The following RAB18 variants were observed in gnomAD, a reference collection of about 807,000 sequenced individuals.
RAB18 encodes RAB18, member RAS oncogene family.
A neutral mutation model predicts 28.5 loss-of-function variants in RAB18; 10 were observed. The ratio of observed to expected loss-of-function variants is 0.35; its 90% CI spans 0.22 to 0.60. The LOEUF is 0.60. RAB18 is among the 20% of genes least tolerant of loss of function. RAB18 has a pLI of 0.78. For missense variants in RAB18, 188 were observed against 244.2 expected (o/e 0.77, Z 1.53); for synonymous variants, 93 against 86.9 (o/e 1.07, Z -0.39).
At chr10:27,505,240 AG>A (rs752204441) in intron 1 of RAB18, 1 of 470,932 alleles carries the variant, frequency 2.1e-6, no homozygotes, top group Non-Finnish European at 4.3e-6. Context: ...GATTTCATCC[AG>A]GTCTTGGAAG....
Position 27,540,949 on chromosome 10 carries a change from C to G in RAB18, c.*2898C>G, listed in dbSNP as rs778085730. On this transcript the variant is annotated 3_prime_UTR_variant, in exon 7 of 7. Coordinates refer to ENST00000356940, the MANE Select transcript of RAB18 (RefSeq NM_021252.5). ...TACTTGTTCTGCCTGTGAGTTGGCA[C>G]AGACTTACCTAATAACCATAGTGTC... The G allele has an allele frequency of 3.7e-5, 17 of 453,950 alleles. No homozygotes were observed. Among genetic ancestry groups the G allele is most frequent in the South Asian group, 2.6e-4 (17 of 64,474 alleles). 28.1% of individuals were successfully genotyped at this position (453,950 alleles called of 1,614,324 possible).
intron 2 of RAB18, among the ~76,000 whole-genome samples, chr10:27,521,759 G>A (rs569782165): frequency 6.6e-6 from 1 of 152,218 alleles, no homozygotes; most frequent in South Asian, 2.1e-4. Flanking sequence ...ACACTGCCCG[G>A]TTGATGGGTG....
intron 2 of RAB18, among the ~76,000 whole-genome samples, chr10:27,520,806 A>G (rs1252677520): frequency 1.3e-5 from 2 of 149,504 alleles, no homozygotes; most frequent in African/African-American, 4.9e-5. Flanking sequence ...AATCCCAGCT[A>G]CTAGGGAGGC....
chr10:27,504,644 C>G lies in RAB18; in HGVS notation c.68+207C>G, dbSNP rs1420347940. The G allele has an allele frequency of 5.3e-6, 4 of 748,566 alleles. No individual in the cohort carries two copies. In the Admixed American group the frequency reaches 7.6e-5, roughly 14 times the overall value. The allele number at this position is 748,566 out of a possible 1,614,324, so 46.4% of individuals were successfully genotyped here. A position where few individuals can be genotyped will look rare whatever the true frequency, so the allele number is the denominator to read the frequency against. On this transcript the variant is annotated intron_variant, in intron 1 of 6. Transcript: ENST00000356940. ...GCGCCTGCCTGGTTCCCGGCCTTTG[C>G]CAGGCCCAAGTTCTCTGGGTCGCTC... is the stretch of plus-strand genomic sequence containing the variant.
intron 2 of RAB18, among the ~76,000 whole-genome samples, chr10:27,517,328 A>G (rs11015837): frequency 0.026 from 3,897 of 152,230 alleles, 60 homozygotes; most frequent in Admixed American, 0.041. Flanking sequence ...GTGCCACTGC[A>G]CTGCAGCCTG....
intron 6 of RAB18, 42 bp from the exon 7 acceptor site, chr10:27,537,834 G>A (rs773900072): frequency 2.0e-6 from 3 of 1,532,230 alleles, no homozygotes; most frequent in South Asian, 2.2e-5. Flanking sequence ...AATATGGCCA[G>A]AAAGGAATAT....
intron 3 of RAB18, chr10:27,527,125 A>G: frequency 4.9e-6 from 3 of 614,198 alleles, no homozygotes; most frequent in Admixed American, 2.0e-5. Flanking sequence ...TCAAAACAGA[A>G]CAGAATATTA....
intron 6 of RAB18, among the ~76,000 whole-genome samples, chr10:27,534,991 A>G (rs1368022924): frequency 6.6e-6 from 1 of 152,234 alleles, no homozygotes; most frequent in Non-Finnish European, 1.5e-5. Flanking sequence ...CTTTCTGCCC[A>G]CATGGAGCTT....
Position 27,541,455 on chromosome 10 carries a change from A to C in RAB18, c.*3404A>C. The C allele has an allele frequency of 2.2e-6, 1 of 452,932 alleles. No homozygotes were observed. 28.1% of individuals were successfully genotyped at this position (452,932 alleles called of 1,614,324 possible). On this transcript the variant is annotated 3_prime_UTR_variant, in exon 7 of 7. Transcript: ENST00000356940. The stretch of plus-strand genomic sequence containing the variant: ...TGTTTTGTTGCTAGCTTATTGTTTC[A>C]TACTTGGGAATCAGTCATGTTTCTG...
In RAB18 at chr10:27,539,896, G is replaced by T. The variant is rs186064414; in HGVS notation, c.*1845G>T. On this transcript the variant is annotated 3_prime_UTR_variant, in exon 7 of 7. Coordinates refer to ENST00000356940, the MANE Select transcript of RAB18 (RefSeq NM_021252.5). The stretch of plus-strand genomic sequence containing the variant: ...CATCAGCTGAAGAATATGTACTATT[G>T]TGTTACTCAAATTATGTGGCTTTCA... 209 of 453,488 alleles carry T rather than the reference G, an allele frequency of 4.6e-4. 1 individual carries two copies. The Middle Eastern group carries it at 9.0e-3, about 20-fold the overall frequency. 28.1% of individuals were successfully genotyped at this position (453,488 alleles called of 1,614,324 possible). A position where few individuals can be genotyped will look rare whatever the true frequency, so the allele number is the denominator to read the frequency against.
chr10:27,529,505 C>T (rs1564835297), intron 3 of RAB18, among the ~76,000 whole-genome samples: 1 of 151,910 alleles, frequency 6.6e-6, no homozygotes, highest in African/African-American at 2.4e-5. Flanking sequence ...AGTGCATACT[C>T]ATCATGACCT....
intron 5 of RAB18, 28 bp downstream of exon 5, chr10:27,533,881 G>T (rs1327481696): frequency 1.9e-6 from 3 of 1,610,204 alleles, no homozygotes; most frequent in South Asian, 1.1e-5. Flanking sequence ...TGGCATTTTG[G>T]TTCTATATTT....
chr10:27,540,943 T>C lies in RAB18; in HGVS notation c.*2892T>C, dbSNP rs1320369981. 2.2e-6 allele frequency: 1 copy of C among 454,054 alleles called. No homozygotes were observed. The allele number at this position is 454,054 out of a possible 1,614,324, so 28.1% of individuals were successfully genotyped here. On this transcript the variant is annotated 3_prime_UTR_variant, in exon 7 of 7. Transcript: ENST00000356940. ...CACCAGTACTTGTTCTGCCTGTGAGTTGGCACAGACTTACCTAATAACCAT... is the reference window on the plus strand; with the variant it reads ...CACCAGTACTTGTTCTGCCTGTGAGCTGGCACAGACTTACCTAATAACCAT...
In RAB18 at chr10:27,520,164, A is replaced by C. The variant is rs150958877; in HGVS notation, c.125-6664A>C. ...GATTGATTACTGATTCAATCTTCTT[A>C]CTAGTTATGGGTCTATTCAAGTTTT... On this transcript the variant is annotated intron_variant, in intron 2 of 6. Coordinates refer to ENST00000356940, the MANE Select transcript of RAB18 (RefSeq NM_021252.5). Among the ~76,000 whole-genome samples, 101 of 152,292 alleles carry C rather than the reference A, an allele frequency of 6.6e-4. 1 individual carries two copies. Among genetic ancestry groups the C allele is most frequent in the African/African-American group, 2.3e-3 (97 of 41,576 alleles).
At chr10:27,529,032 C>T (rs754817801) in intron 3 of RAB18, among the ~76,000 whole-genome samples, 4 of 151,994 alleles carry the variant, frequency 2.6e-5, no homozygotes, top group Non-Finnish European at 5.9e-5. Flanking sequence ...TCTTTTTCTT[C>T]ATTAAAGTCT....
At chr10:27,531,867 A>AT (rs759212268) in intron 3 of RAB18, among the ~76,000 whole-genome samples, 1 of 151,870 alleles carries the variant, frequency 6.6e-6, no homozygotes, top group Non-Finnish European at 1.5e-5. Context: ...TAAACTGGTG[A>AT]TTAAACAGAT....
chr10:27,525,736 C>G (rs1834658735), intron 2 of RAB18, among the ~76,000 whole-genome samples: 1 of 152,124 alleles, frequency 6.6e-6, no homozygotes, highest in African/African-American at 2.4e-5. Context: ...ACAGAAAGAC[C>G]TGGCATAATG....
At chr10:27,528,208 T>C in intron 3 of RAB18, 2 of 419,694 alleles carry the variant, frequency 4.8e-6, no homozygotes, top group Non-Finnish European at 9.4e-6. Flanking sequence ...TCTCTCATAG[T>C]TTCGTTTTGT....
Position 27,504,375 on chromosome 10 carries a change from C to T in RAB18, c.6C>T (p.Asp2=), listed in dbSNP as rs1023227619. The change falls in exon 1 of 7, where the codon GAC becomes GAT. Residue 2 remains aspartate (D), a synonymous_variant. Coordinates refer to ENST00000356940, the MANE Select transcript of RAB18 (RefSeq NM_021252.5). Reference sequence around the variant, plus strand: ...CGGAGCGGAACGGGGTCAGGATGGACGAGGACGTGCTAACCACCCTGAAGA... The same window carrying T: ...CGGAGCGGAACGGGGTCAGGATGGATGAGGACGTGCTAACCACCCTGAAGA... M[D]EDVLTTLKIL... is the part of the protein sequence containing the mutation. 6.3e-6 allele frequency: 10 copies of T among 1,574,846 alleles called. No homozygotes were observed. The highest frequency in any genetic ancestry group is 2.3e-5 in the East Asian group (1 of 43,580).
Sources: gnomAD v4.1 joint callset for allele counts (sites outside exome capture counted in the v4.1 genomes callset) on GRCh38, gnomAD v4.1.1 for gene constraint, MANE v1.5 for transcripts, NCBI Gene and HGNC (gene_info 2026-07-23, HGNC 2026-07-21) for gene names.